GRIK4: variants seen among roughly 807,000 people sequenced by gnomAD.
GRIK4 encodes the protein glutamate receptor ionotropic, kainate 4.
Under a neutral mutation model 104.9 loss-of-function variants are expected in GRIK4, and 40 were observed. The observed-to-expected ratio is 0.38, with a 90% CI of 0.30 to 0.50. The LOEUF is 0.50. Ranked by LOEUF, GRIK4 falls within the 20% of genes least tolerant of loss-of-function variation. The pLI, the probability that GRIK4 is intolerant of heterozygous loss-of-function variation, is 0.93. For synonymous variants in GRIK4, 485 were observed against 524.9 expected (o/e 0.92, Z 1.04); for missense variants, 1,047 against 1,308.1 (o/e 0.80, Z 3.08).
chr11:120,787,452 A>T (rs940929205), intron 3 of GRIK4, among the ~76,000 whole-genome samples: 13 of 146,946 alleles, frequency 8.8e-5, no homozygotes, highest in African/African-American at 1.1e-4. Context: ...ATTTTATTTT[A>T]TTTATTTTAT....
chr11:120,545,726 G>A (rs1244074576), intron 1 of GRIK4, among the ~76,000 whole-genome samples: 2 of 152,218 alleles, frequency 1.3e-5, no homozygotes, highest in East Asian at 3.8e-4. Flanking sequence ...TGTTGATTGA[G>A]TTTCACCTGC....
intron 4 of GRIK4, among the ~76,000 whole-genome samples, chr11:120,803,805 T>C (rs1242874387): frequency 6.6e-6 from 1 of 152,238 alleles, no homozygotes; most frequent in Non-Finnish European, 1.5e-5. Flanking sequence ...CAGGCATATG[T>C]AGTAGGTCGC....
At chr11:120,741,117 G>A (rs1313923469) in intron 3 of GRIK4, among the ~76,000 whole-genome samples, 1 of 152,070 alleles carries the variant, frequency 6.6e-6, no homozygotes, top group Non-Finnish European at 1.5e-5. Flanking sequence ...AATTTACCAG[G>A]TGTCAGGGGT....
chr11:120,648,032 C>T (rs757373439), intron 1 of GRIK4, among the ~76,000 whole-genome samples: 3 of 152,128 alleles, frequency 2.0e-5, no homozygotes, highest in Non-Finnish European at 2.9e-5. Context: ...CTCTTCTGGC[C>T]GCCGGAGCTG....
intron 3 of GRIK4, among the ~76,000 whole-genome samples, chr11:120,706,373 C>T (rs1565306056): frequency 6.6e-6 from 1 of 152,216 alleles, no homozygotes; most frequent in South Asian, 2.1e-4. Flanking sequence ...TGTGTGGCCA[C>T]CTCTTCCATT....
chr11:120,910,262 G>T (rs1942962349), intron 13 of GRIK4, among the ~76,000 whole-genome samples: 1 of 152,236 alleles, frequency 6.6e-6, no homozygotes, highest in Non-Finnish European at 1.5e-5. Flanking sequence ...TAGACACACG[G>T]CCGTGTATTC....
chr11:120,566,321 A>G (rs1471195562), intron 1 of GRIK4, among the ~76,000 whole-genome samples: 1 of 152,244 alleles, frequency 6.6e-6, no homozygotes, highest in African/African-American at 2.4e-5. Flanking sequence ...CACCCTGTCC[A>G]GGGTCATCCA....
intron 1 of GRIK4, among the ~76,000 whole-genome samples, chr11:120,585,343 C>CTTT (rs138152898): frequency 4.2e-5 from 6 of 143,754 alleles, no homozygotes; most frequent in African/African-American, 1.3e-4. Flanking sequence ...CTCTCTCTCT[C>CTTT]TTTTTTTTTT....
At chr11:120,913,419 G>A (rs1943040512) in intron 13 of GRIK4, among the ~76,000 whole-genome samples, 1 of 151,628 alleles carries the variant, frequency 6.6e-6, no homozygotes, top group Non-Finnish European at 1.5e-5. Context: ...TGCTTGGTAG[G>A]GAGGCATTCT....
chr11:120,987,694 G>A lies in GRIK4; in HGVS notation c.*1434G>A, dbSNP rs983057714. 1 of 152,144 alleles carries A rather than the reference G, an allele frequency of 6.6e-6. No homozygotes were observed. 9.4% of individuals were successfully genotyped at this position (152,144 alleles called of 1,614,324 possible). A position where few individuals can be genotyped will look rare whatever the true frequency, so the allele number is the denominator to read the frequency against. On this transcript the variant is annotated 3_prime_UTR_variant, in exon 21 of 21. Transcript: ENST00000527524. The stretch of plus-strand genomic sequence containing the variant: ...AATAGGAGTTACTGATGCTGTCCAG[G>A]TTACCAGGTGACTGCTAGTGACTGC...
At chr11:120,605,020 A>G (rs1948941120) in intron 1 of GRIK4, among the ~76,000 whole-genome samples, 1 of 152,148 alleles carries the variant, frequency 6.6e-6, no homozygotes, top group Non-Finnish European at 1.5e-5. Flanking sequence ...GCACCACCGT[A>G]CCTGCCTAAT....
chr11:120,599,714 C>T (rs1948856842), intron 1 of GRIK4, among the ~76,000 whole-genome samples: 1 of 152,200 alleles, frequency 6.6e-6, no homozygotes, highest in Non-Finnish European at 1.5e-5. Context: ...TTGGGTATTC[C>T]TGGGGTGTGG....
intron 5 of GRIK4, among the ~76,000 whole-genome samples, chr11:120,817,341 C>A (rs1048445721): frequency 2.6e-5 from 4 of 152,214 alleles, no homozygotes; most frequent in Non-Finnish European, 5.9e-5. Flanking sequence ...GACCAGCCAG[C>A]CAGACTGCAC....
intron 3 of GRIK4, among the ~76,000 whole-genome samples, chr11:120,767,357 C>T (rs924989936): frequency 2.0e-5 from 3 of 152,074 alleles, no homozygotes; most frequent in Non-Finnish European, 1.5e-5. Context: ...TTGGGAGAAC[C>T]ATCTGTTTGG....
At position 120,862,220 on chromosome 11, in the gene GRIK4, G is replaced by A. The variant is rs77156847; in HGVS notation, c.906+100G>A. 7.0e-3 allele frequency: 7,016 copies of A among 1,000,606 alleles called. 80 individuals are homozygous for A. The highest frequency in any genetic ancestry group is 0.017 in the Middle Eastern group (54 of 3,120). 62.0% of individuals were successfully genotyped at this position (1,000,606 alleles called of 1,614,324 possible). On this transcript the variant is annotated intron_variant, in intron 9 of 20. Coordinates refer to ENST00000527524, the MANE Select transcript of GRIK4 (RefSeq NM_014619.5). ...CAACACATCTTCTTGGAGTCCAGCC[G>A]TCTCCTGCTCCAGTCCCAGCTCAGA...
chr11:120,928,053 A>C (rs1040448486), intron 13 of GRIK4, among the ~76,000 whole-genome samples: 6 of 151,934 alleles, frequency 3.9e-5, no homozygotes, highest in African/African-American at 1.2e-4. Flanking sequence ...TGTTTCTACT[A>C]AACATACAAA....
At chr11:120,689,344 C>A (rs1162486649) in intron 3 of GRIK4, among the ~76,000 whole-genome samples, 1 of 152,056 alleles carries the variant, frequency 6.6e-6, no homozygotes, top group Non-Finnish European at 1.5e-5. Context: ...GCTTTTCTTC[C>A]CAAAATACAG....
At chr11:120,925,991 G>A (rs973595902) in intron 13 of GRIK4, among the ~76,000 whole-genome samples, 8 of 149,756 alleles carry the variant, frequency 5.3e-5, no homozygotes, top group Non-Finnish European at 1.2e-4. Flanking sequence ...AAAAAAGAAA[G>A]AAAAAAAAGA....
chr11:120,698,052 G>A (rs1353420903), intron 3 of GRIK4, among the ~76,000 whole-genome samples: 3 of 152,080 alleles, frequency 2.0e-5, no homozygotes, highest in Non-Finnish European at 4.4e-5. Context: ...TGTGCCAAGA[G>A]GTGTCCCCCC....
Sources: gnomAD v4.1 joint callset for allele counts (sites outside exome capture counted in the v4.1 genomes callset) on GRCh38, gnomAD v4.1.1 for gene constraint, MANE v1.5 for transcripts, NCBI Gene and HGNC (gene_info 2026-07-23, HGNC 2026-07-21) for gene names.